ABL2: variants seen among roughly 807,000 people sequenced by gnomAD.
The protein encoded by ABL2 is ABL proto-oncogene 2, non-receptor tyrosine kinase, also known as tyrosine-protein kinase ABL2.
Under a neutral mutation model 107.7 loss-of-function variants are expected in ABL2, and 49 were observed. That is an observed-to-expected ratio of 0.45 (90% CI 0.36 to 0.58). The LOEUF (loss-of-function observed/expected upper bound fraction) is 0.58, where lower values mean the gene tolerates loss of function less well. Ranked by LOEUF, ABL2 falls within the 20% of genes least tolerant of loss-of-function variation. The pLI is 0.00. For missense variants in ABL2, 1,245 were observed against 1,457.0 expected (o/e 0.85, Z 2.37); for synonymous variants, 549 against 548.6 (o/e 1.00, Z -0.01).
chr1:179,159,227 C>A (rs1455004052), intron 1 of ABL2, among the ~76,000 whole-genome samples: 2 of 152,224 alleles, frequency 1.3e-5, no homozygotes, highest in Admixed American at 1.3e-4. Context: ...GTACAGATAA[C>A]CTCTTTAATC....
chr1:179,112,126 TAA>T (rs28913880), intron 10 of ABL2, among the ~76,000 whole-genome samples, 181 bp downstream of exon 10: 2,268 of 152,336 alleles, frequency 0.015, 68 homozygotes, highest in African/African-American at 0.051. Flanking sequence ...ACTAGATATA[TAA>T]GTTGTTCATA....
chr1:179,115,693 A>G (rs1426212167), intron 8 of ABL2, among the ~76,000 whole-genome samples: 1 of 152,164 alleles, frequency 6.6e-6, no homozygotes, highest in Non-Finnish European at 1.5e-5. Context: ...GGGGTCTTAG[A>G]ATGTATTCTC....
intron 1 of ABL2, among the ~76,000 whole-genome samples, chr1:179,226,095 CT>C (rs1459600606): frequency 3.5e-4 from 45 of 128,936 alleles, no homozygotes; most frequent in African/African-American, 1.3e-3. Context: ...CAGAAAAAAA[CT>C]TTTTAAACCC....
At chr1:179,218,448 G>A (rs539387828) in intron 1 of ABL2, among the ~76,000 whole-genome samples, 2 of 152,266 alleles carry the variant, frequency 1.3e-5, no homozygotes, top group South Asian at 4.1e-4. Flanking sequence ...CCAGGCTGGA[G>A]TGCAGTGGTA....
chr1:179,160,300 G>A (rs1325791884), intron 1 of ABL2, among the ~76,000 whole-genome samples: 1 of 151,844 alleles, frequency 6.6e-6, no homozygotes, highest in East Asian at 1.9e-4. Context: ...GATCACCTGA[G>A]GCCAGGAGTT....
intron 1 of ABL2, chr1:179,201,482 T>C (rs966286893): frequency 8.2e-5 from 19 of 231,322 alleles, no homozygotes; most frequent in Admixed American, 2.8e-4. Flanking sequence ...GATTTAAAGA[T>C]AGTAATCCAA....
rs1289743601 is a variant in ABL2, at chr1:179,157,273, T to C, written c.158-23899A>G. ...ACTTTGGGAGGCTGAGGCAAGCAGA[T>C]CACATGAGGTCAGGAGTTCGAGACC... On this transcript the variant is annotated intron_variant, in intron 1 of 11. Transcript: ENST00000502732. 2.6e-5 allele frequency among the ~76,000 whole-genome samples: 4 copies of C among 152,158 alleles called. No homozygotes were observed. In the East Asian group the frequency reaches 7.7e-4, roughly 29 times the overall value.
At chr1:179,193,496 C>T (rs995142860) in intron 1 of ABL2, among the ~76,000 whole-genome samples, 1 of 151,732 alleles carries the variant, frequency 6.6e-6, no homozygotes, top group Non-Finnish European at 1.5e-5. Flanking sequence ...CCTCTGCCTC[C>T]TGGGTTCAAG....
intron 1 of ABL2, among the ~76,000 whole-genome samples, chr1:179,139,602 A>G (rs1657384632): frequency 6.6e-6 from 1 of 152,092 alleles, no homozygotes; most frequent in Admixed American, 6.6e-5. Flanking sequence ...TATATCCAGA[A>G]TCTAACCACT....
At chr1:179,147,685 T>C (rs971106918) in intron 1 of ABL2, among the ~76,000 whole-genome samples, 1 of 152,146 alleles carries the variant, frequency 6.6e-6, no homozygotes, top group African/African-American at 2.4e-5. Context: ...ACATACCGAA[T>C]GGAATAATAT....
intron 1 of ABL2, among the ~76,000 whole-genome samples, chr1:179,170,232 T>C (rs1659640780): frequency 6.6e-6 from 1 of 152,084 alleles, no homozygotes; most frequent in Non-Finnish European, 1.5e-5. Flanking sequence ...CCCATGATAA[T>C]GAGATTAATC....
At chr1:179,127,233 T>G (rs1319951403) in intron 3 of ABL2, among the ~76,000 whole-genome samples, 1 of 146,036 alleles carries the variant, frequency 6.8e-6, no homozygotes, top group Non-Finnish European at 1.5e-5. Flanking sequence ...GACCACAGAG[T>G]TTTCAGCAAG....
intron 8 of ABL2, among the ~76,000 whole-genome samples, chr1:179,116,651 C>T (rs1654659907): frequency 6.6e-6 from 1 of 151,484 alleles, no homozygotes; most frequent in Admixed American, 6.6e-5. Flanking sequence ...GCTGGGATTA[C>T]AGGCATGCAT....
rs766412618 is a variant in ABL2 at position 179,109,125 on chromosome 1, T to C, written c.2142A>G (p.Pro714=). Residue 714 remains proline, a synonymous_variant, in exon 12 of 12, where the codon CCA becomes CCG. Coordinates refer to ENST00000502732, the MANE Select transcript of ABL2 (RefSeq NM_007314.4). ...TPAQQEANLV[P]PKCYGGSFAQ... ...CAAAGCTCCCCCCATAGCACTTGGG[T>C]GGCACCAGATTCGCCTCTTGCTGGG... 1 of 1,514,902 alleles carries C rather than the reference T, an allele frequency of 6.6e-7. No individual in the cohort carries two copies. 93.8% of individuals were successfully genotyped at this position (1,514,902 alleles called of 1,614,324 possible).
intron 1 of ABL2, among the ~76,000 whole-genome samples, chr1:179,204,152 G>A (rs990982533): frequency 6.6e-6 from 1 of 151,874 alleles, no homozygotes; most frequent in African/African-American, 2.4e-5. Context: ...TCAGCCTCTC[G>A]AGTAGCTGGG....
intron 1 of ABL2, among the ~76,000 whole-genome samples, chr1:179,188,496 G>A (rs898374258): frequency 3.3e-5 from 5 of 151,322 alleles, no homozygotes; most frequent in Admixed American, 6.6e-5. Context: ...GCAGTAAGCC[G>A]AGATCACACC....
intron 1 of ABL2, among the ~76,000 whole-genome samples, chr1:179,144,484 T>G (rs1423998403): frequency 6.6e-6 from 1 of 152,086 alleles, no homozygotes; most frequent in Non-Finnish European, 1.5e-5. Flanking sequence ...AAAGAGTGTT[T>G]GTTTAACTGT....
intron 1 of ABL2, among the ~76,000 whole-genome samples, chr1:179,198,387 A>C (rs1661449474): frequency 6.6e-6 from 1 of 152,068 alleles, no homozygotes; most frequent in African/African-American, 2.4e-5. Context: ...CAAGATTAAA[A>C]AGTTATTTTT....
chr1:179,162,286 C>T (rs1659111022), intron 1 of ABL2, among the ~76,000 whole-genome samples: 1 of 152,112 alleles, frequency 6.6e-6, no homozygotes, highest in Admixed American at 6.6e-5. Context: ...ATTCACGTTC[C>T]TAGAAACCAT....
Sources: allele counts gnomAD v4.1 joint callset (sites outside exome capture counted in the v4.1 genomes callset), GRCh38; gene constraint gnomAD v4.1.1; transcripts MANE v1.5; gene names NCBI Gene and HGNC (gene_info 2026-07-23, HGNC 2026-07-21).